DPYD: variants seen among roughly 807,000 people sequenced by gnomAD.
DPYD encodes dihydropyrimidine dehydrogenase [NADP(+)].
Under a neutral mutation model 116.2 loss-of-function variants are expected in DPYD, and 109 were observed. The ratio of observed to expected loss-of-function variants is 0.94; its 90% CI spans 0.80 to 1.10. The LOEUF is 1.10. Among genes scored for constraint, DPYD ranks in the 50% least tolerant of loss-of-function variants. The pLI is 0.00. For synonymous variants in DPYD, 440 were observed against 432.0 expected (o/e 1.02, Z -0.23); for missense variants, 1,302 against 1,254.5 (o/e 1.04, Z -0.57).
At chr1:97,123,968 T>C (rs1258377427) in intron 20 of DPYD, among the ~76,000 whole-genome samples, 1 of 152,168 alleles carries the variant, frequency 6.6e-6, no homozygotes, top group Admixed American at 6.6e-5. Context: ...AAATATGGTC[T>C]GCCATTGTGA....
intron 11 of DPYD, among the ~76,000 whole-genome samples, chr1:97,559,525 T>C (rs950114714): frequency 6.6e-6 from 1 of 152,192 alleles, no homozygotes; most frequent in African/African-American, 2.4e-5. Flanking sequence ...AGCTGCAGTA[T>C]ATCTGTGAAG....
At chr1:97,341,484 C>T in intron 16 of DPYD, among the ~76,000 whole-genome samples, 1 of 152,028 alleles carries the variant, frequency 6.6e-6, no homozygotes, top group Admixed American at 6.6e-5. Context: ...ACATAGGAAC[C>T]CATGGAATTT....
At chr1:97,481,949 A>C (rs1292370807) in intron 13 of DPYD, among the ~76,000 whole-genome samples, 3 of 152,208 alleles carry the variant, frequency 2.0e-5, no homozygotes, top group Non-Finnish European at 4.4e-5. Flanking sequence ...GATATAATGC[A>C]CTGATAGTAG....
At chr1:97,388,973 G>C (rs1672515642) in intron 14 of DPYD, among the ~76,000 whole-genome samples, 1 of 152,014 alleles carries the variant, frequency 6.6e-6, no homozygotes, top group Admixed American at 6.6e-5. Flanking sequence ...AGTAGAGAGA[G>C]AAACAAATAA....
chr1:97,688,051 T>C (rs1311091793), intron 7 of DPYD, among the ~76,000 whole-genome samples: 5 of 152,132 alleles, frequency 3.3e-5, no homozygotes, highest in Non-Finnish European at 7.3e-5. Flanking sequence ...GATGTGTTGA[T>C]AGGTGCAGCA....
At chr1:97,803,102 T>C (rs1021010779) in intron 3 of DPYD, among the ~76,000 whole-genome samples, 1 of 151,916 alleles carries the variant, frequency 6.6e-6, no homozygotes, top group African/African-American at 2.4e-5. Flanking sequence ...TACTGTATAA[T>C]TATCTCATTT....
At chr1:97,686,699 A>G in intron 7 of DPYD, among the ~76,000 whole-genome samples, 1 of 150,860 alleles carries the variant, frequency 6.6e-6, no homozygotes, top group Admixed American at 6.6e-5. Flanking sequence ...ATAAAACTCT[A>G]GAAGAAAATC....
chr1:97,449,549 T>G (rs961522668), intron 14 of DPYD, among the ~76,000 whole-genome samples: 12 of 152,126 alleles, frequency 7.9e-5, no homozygotes, highest in Admixed American at 7.9e-4. Flanking sequence ...ACTGCAATAT[T>G]TAGGCATGGT....
chr1:97,276,423 T>G (rs952987207), intron 18 of DPYD, among the ~76,000 whole-genome samples: 1 of 151,820 alleles, frequency 6.6e-6, no homozygotes, highest in African/African-American at 2.4e-5. Flanking sequence ...AAGTCTAATA[T>G]CCAGAATCTA....
At chr1:97,203,626 A>T (rs1466490418) in intron 19 of DPYD, among the ~76,000 whole-genome samples, 1 of 146,816 alleles carries the variant, frequency 6.8e-6, no homozygotes, top group Non-Finnish European at 1.5e-5. Context: ...AAAGTATAAT[A>T]AAAAAAATAA....
intron 20 of DPYD, among the ~76,000 whole-genome samples, chr1:97,181,542 G>C (rs1029513221): frequency 5.3e-5 from 8 of 152,078 alleles, no homozygotes; most frequent in African/African-American, 1.9e-4. Flanking sequence ...GATAGGAGGT[G>C]CTTCAAAAGA....
rs191977288 is a variant in DPYD, at chr1:97,564,350, G to T, written c.1339+9410C>A. Reference sequence around the variant, plus strand: ...CTCTTCATATTATGGAATATGACAGGCTTCTGGATTTCCAGAATCAATGCC... The same window carrying T: ...CTCTTCATATTATGGAATATGACAGTCTTCTGGATTTCCAGAATCAATGCC... On this transcript the variant is annotated intron_variant, in intron 11 of 22. Transcript: ENST00000370192. Among the ~76,000 whole-genome samples the T allele has an allele frequency of 5.3e-5, 8 of 152,142 alleles. No homozygotes were observed. The East Asian group carries it at 1.4e-3, about 26-fold the overall frequency.
At chr1:97,778,008 A>C (rs767819950) in intron 3 of DPYD, among the ~76,000 whole-genome samples, 4 of 151,846 alleles carry the variant, frequency 2.6e-5, no homozygotes, top group African/African-American at 9.7e-5. Flanking sequence ...AAATACAAAA[A>C]TTAGCCAGGC....
At chr1:97,148,833 T>C (rs1654815980) in intron 20 of DPYD, among the ~76,000 whole-genome samples, 1 of 152,242 alleles carries the variant, frequency 6.6e-6, no homozygotes, top group Non-Finnish European at 1.5e-5. Flanking sequence ...GTTCATTGTT[T>C]GTATCTCCTT....
rs146988911 is a variant in DPYD at position 97,539,469 on chromosome 1, A to G, written c.1524+10091T>C. ...TTCCATATTTATCCTTCTATTAATA[A>G]CTCTTATTTTTTGTCTCTCAATATA... On this transcript the variant is annotated intron_variant, in intron 12 of 22. Coordinates refer to ENST00000370192, the MANE Select transcript of DPYD (RefSeq NM_000110.4). Among the ~76,000 whole-genome samples, 156 of 151,948 alleles carry G rather than the reference A, an allele frequency of 1.0e-3. 1 individual carries two copies. Among genetic ancestry groups the G allele is most frequent in the African/African-American group, 3.6e-3 (149 of 41,442 alleles).
At chr1:97,541,045 T>C (rs1650416370) in intron 12 of DPYD, among the ~76,000 whole-genome samples, 1 of 152,212 alleles carries the variant, frequency 6.6e-6, no homozygotes, top group Non-Finnish European at 1.5e-5. Flanking sequence ...ACCAAGTTGG[T>C]TGCATCTGAC....
intron 3 of DPYD, among the ~76,000 whole-genome samples, chr1:97,760,419 A>G (rs1164597947): frequency 6.6e-6 from 1 of 152,092 alleles, no homozygotes; most frequent in Non-Finnish European, 1.5e-5. Context: ...TAAATTTCAA[A>G]AAATAAAAAA....
At chr1:97,696,719 A>G (rs193223542) in intron 6 of DPYD, among the ~76,000 whole-genome samples, 1 of 152,294 alleles carries the variant, frequency 6.6e-6, no homozygotes, top group African/African-American at 2.4e-5. Flanking sequence ...GTGATGAAAT[A>G]TATCTATAAC....
At chr1:97,621,691 C>T (rs986924074) in intron 8 of DPYD, among the ~76,000 whole-genome samples, 21 of 151,948 alleles carry the variant, frequency 1.4e-4, no homozygotes, top group Non-Finnish European at 7.4e-5. Flanking sequence ...TTTCTAATAC[C>T]ATTATCCAAT....
Sources: allele counts gnomAD v4.1 joint callset (sites outside exome capture counted in the v4.1 genomes callset), GRCh38; gene constraint gnomAD v4.1.1; transcripts MANE v1.5; gene names NCBI Gene and HGNC (gene_info 2026-07-23, HGNC 2026-07-21).